Variants in RAB6B observed in about 807,000 individuals in gnomAD.
RAB6B encodes RAB6B, member RAS oncogene family.
Under a neutral mutation model 31.2 loss-of-function variants are expected in RAB6B, and 7 were observed. That is an observed-to-expected ratio of 0.22 (90% CI 0.13 to 0.42). The LOEUF is 0.42. RAB6B is among the 10% of genes least tolerant of loss of function. RAB6B has a pLI of 1.00. For synonymous variants in RAB6B, 105 were observed against 104.9 expected (o/e 1.00, Z -0.01); for missense variants, 149 against 280.6 (o/e 0.53, Z 3.35).
intron 1 of RAB6B, among the ~76,000 whole-genome samples, chr3:133,889,417 TATATATATATATATATATATATATA>T (rs1559915466): frequency 5.6e-4 from 33 of 59,314 alleles, no homozygotes; most frequent in African/African-American, 2.1e-3. Context: ...TATATATATA[TATATATATATATATATATATATATA>T]TATTTATTTT....
rs139032598 is a variant in RAB6B, at chr3:133,885,276, G to A, written c.70+10121C>T. ...ACACACCCAATGACCAGAGGAGGGAGGGCTCACATACCCAATGACCAGAGT... is the reference window on the plus strand; with the variant it reads ...ACACACCCAATGACCAGAGGAGGGAAGGCTCACATACCCAATGACCAGAGT... On this transcript the variant is annotated intron_variant, in intron 1 of 7. Coordinates refer to ENST00000285208, the MANE Select transcript of RAB6B (RefSeq NM_016577.4). Among the ~76,000 whole-genome samples, 3 of 150,512 alleles carry A rather than the reference G, an allele frequency of 2.0e-5. No individual in the cohort carries two copies. The East Asian group carries it at 5.9e-4, about 30-fold the overall frequency.
intron 6 of RAB6B, among the ~76,000 whole-genome samples, chr3:133,837,004 T>G (rs1323236265): frequency 6.6e-6 from 1 of 152,142 alleles, no homozygotes; most frequent in East Asian, 1.9e-4. Context: ...TTGCCAAGGG[T>G]TCCCAGCAAT....
chr3:133,875,271 C>CAT (rs376046956), intron 1 of RAB6B, among the ~76,000 whole-genome samples: 6 of 151,312 alleles, frequency 4.0e-5, no homozygotes, highest in Non-Finnish European at 5.9e-5. Flanking sequence ...CACAGTTACA[C>CAT]GTGTGTGTGT....
chr3:133,881,343 G>A (rs1216581037), intron 1 of RAB6B, among the ~76,000 whole-genome samples: 3 of 152,220 alleles, frequency 2.0e-5, no homozygotes, highest in African/African-American at 7.2e-5. Flanking sequence ...CCAGGGTCAT[G>A]GCCAGACACT....
chr3:133,846,322 C>T (rs559914434), intron 2 of RAB6B, among the ~76,000 whole-genome samples: 2 of 152,210 alleles, frequency 1.3e-5, no homozygotes, highest in Non-Finnish European at 2.9e-5. Context: ...TGGCGGACGC[C>T]TGTAATCCCA....
At chr3:133,881,497 C>T (rs1936465888) in intron 1 of RAB6B, among the ~76,000 whole-genome samples, 1 of 152,160 alleles carries the variant, frequency 6.6e-6, no homozygotes, top group Admixed American at 6.5e-5. Context: ...ATGGGAAGTG[C>T]CAAGGAGCAG....
intron 4 of RAB6B, among the ~76,000 whole-genome samples, chr3:133,840,237 G>A (rs987534699): frequency 6.6e-6 from 1 of 152,202 alleles, no homozygotes; most frequent in Non-Finnish European, 1.5e-5. Context: ...AAAAATCCAG[G>A]AGAGACAAGG....
intron 1 of RAB6B, among the ~76,000 whole-genome samples, chr3:133,877,345 C>A (rs1285112324): frequency 2.0e-5 from 3 of 152,206 alleles, no homozygotes; most frequent in Non-Finnish European, 2.9e-5. Context: ...GGAAAGACTG[C>A]CCAAATGGAC....
chr3:133,837,751 G>A (rs1408973255), intron 6 of RAB6B, among the ~76,000 whole-genome samples: 3 of 152,174 alleles, frequency 2.0e-5, no homozygotes, highest in African/African-American at 4.8e-5. Context: ...CCACAGCCCT[G>A]AGCACTTGCT....
chr3:133,834,477 G>T, intron 7 of RAB6B, 98 bp downstream of exon 7: 1 of 1,327,596 alleles, frequency 7.5e-7, no homozygotes. Context: ...GGAAGGCTGG[G>T]CGGGGACTGG....
intron 1 of RAB6B, among the ~76,000 whole-genome samples, chr3:133,874,761 A>G (rs1380104358): frequency 6.6e-6 from 1 of 152,128 alleles, no homozygotes; most frequent in Non-Finnish European, 1.5e-5. Context: ...CTATGCAAAA[A>G]TTATTTCTTT....
intron 2 of RAB6B, among the ~76,000 whole-genome samples, chr3:133,848,780 C>A (rs1011510077): frequency 1.3e-5 from 2 of 151,792 alleles, no homozygotes; most frequent in Non-Finnish European, 2.9e-5. Context: ...AGCAGCTGCA[C>A]CTTCTAGGAT....
Position 133,824,790 on chromosome 3 carries a change from A to C in RAB6B, c.*3998T>G, listed in dbSNP as rs556709644. ...CTAGTGTCCTAACCAAAAAGAGTAG[A>C]GATGGTCTGAGGAACACACCCACAC... On this transcript the variant is annotated 3_prime_UTR_variant, in exon 8 of 8. Coordinates refer to ENST00000285208, the MANE Select transcript of RAB6B (RefSeq NM_016577.4). The C allele has an allele frequency of 6.6e-6, 1 of 152,308 alleles. No individual in the cohort carries two copies. Among genetic ancestry groups the C allele is most frequent in the Admixed American group, 6.5e-5 (1 of 15,302 alleles). The allele number at this position is 152,308 out of a possible 1,614,324, so 9.4% of individuals were successfully genotyped here.
At chr3:133,829,177 T>G (rs959078250) in intron 7 of RAB6B, among the ~76,000 whole-genome samples, 1 of 152,180 alleles carries the variant, frequency 6.6e-6, no homozygotes, top group Non-Finnish European at 1.5e-5. Context: ...CTCCCAGCCC[T>G]GGCCTCAGCC....
chr3:133,876,055 C>G (rs996841327), intron 1 of RAB6B, among the ~76,000 whole-genome samples: 1 of 152,144 alleles, frequency 6.6e-6, no homozygotes, highest in Non-Finnish European at 1.5e-5. Context: ...CAATGAAAAG[C>G]CTCCCAATCC....
At position 133,841,598 on chromosome 3, in the gene RAB6B, T is replaced by C. The variant is rs1437779851; in HGVS notation, c.183+12A>G. 3.1e-6 allele frequency: 5 copies of C among 1,611,886 alleles called. No homozygotes were observed. The Admixed American group carries it at 5.0e-5, about 16-fold the overall frequency. ...CTCCCTGCCCCTCCCAGTCCTGATA[T>C]TAGGTGCTCACCGTGCGGTCCTCCA... is the stretch of plus-strand genomic sequence containing the variant. On this transcript the variant is annotated intron_variant, in intron 3 of 7. Coordinates refer to ENST00000285208, the MANE Select transcript of RAB6B (RefSeq NM_016577.4).
intron 2 of RAB6B, among the ~76,000 whole-genome samples, chr3:133,860,670 C>T (rs1936148192): frequency 6.6e-6 from 1 of 152,184 alleles, no homozygotes; most frequent in Non-Finnish European, 1.5e-5. Context: ...CCACTCTGTT[C>T]CCAGGCTCTG....
At chr3:133,832,159 G>T (rs1412082635) in intron 7 of RAB6B, among the ~76,000 whole-genome samples, 4 of 152,322 alleles carry the variant, frequency 2.6e-5, no homozygotes, top group Admixed American at 2.6e-4. Flanking sequence ...TTCAGAAACA[G>T]TCTGGGGCCC....
rs1029371386 is a variant in RAB6B at position 133,873,850 on chromosome 3, A to G, written c.71-9208T>C. 1.1e-4 allele frequency among the ~76,000 whole-genome samples: 17 copies of G among 152,332 alleles called. No individual in the cohort carries two copies. In the South Asian group the frequency reaches 2.7e-3, roughly 24 times the overall value. Reference sequence around the variant, plus strand: ...CCAAAGCCTTCCTGATAACATAAACAGTTGATTAACAGGTATTTTGTGTTA... The same window carrying G: ...CCAAAGCCTTCCTGATAACATAAACGGTTGATTAACAGGTATTTTGTGTTA... On this transcript the variant is annotated intron_variant, in intron 1 of 7. Coordinates refer to ENST00000285208, the MANE Select transcript of RAB6B (RefSeq NM_016577.4).
Sources: gnomAD v4.1 joint callset for allele counts (sites outside exome capture counted in the v4.1 genomes callset) on GRCh38, gnomAD v4.1.1 for gene constraint, MANE v1.5 for transcripts, NCBI Gene and HGNC (gene_info 2026-07-23, HGNC 2026-07-21) for gene names.